The following C12orf56 variants were observed in gnomAD, a reference collection of about 807,000 sequenced individuals.
C12orf56 encodes the protein chromosome 12 open reading frame 56, also known as uncharacterized protein C12orf56.
C12orf56 carries 71 observed loss-of-function variants against 69.9 expected under a neutral mutation model. The observed-to-expected ratio is 1.02, with a 90% CI of 0.84 to 1.24. The LOEUF is 1.24. Among genes scored for constraint, C12orf56 ranks in the 50% most tolerant of loss-of-function variants. The pLI is 0.00. For missense variants in C12orf56, 732 were observed against 738.5 expected (o/e 0.99, Z 0.10); for synonymous variants, 276 against 274.1 (o/e 1.01, Z -0.07).
intron 9 of C12orf56, among the ~76,000 whole-genome samples, chr12:64,276,960 C>T (rs1029849891): frequency 4.0e-5 from 5 of 125,406 alleles, no homozygotes; most frequent in African/African-American, 1.5e-4. Flanking sequence ...TGCCACTGCA[C>T]TCCAGCCTGG....
intron 1 of C12orf56, among the ~76,000 whole-genome samples, chr12:64,368,631 A>G (rs1206155750): frequency 6.6e-6 from 1 of 152,182 alleles, no homozygotes; most frequent in African/African-American, 2.4e-5. Flanking sequence ...TACCAGAAAT[A>G]CATTATTCTA....
rs890309389 is a variant in C12orf56, at chr12:64,338,574, T to C, written c.416-7542A>G. The C allele has an allele frequency of 4.6e-6, 7 of 1,535,348 alleles. No homozygotes were observed. In the African/African-American group the frequency reaches 6.8e-5, roughly 15 times the overall value. Reference sequence around the variant, plus strand: ...TTGAGTCTTGCTTGATTCATCAAATTGGACATCTGAATTTTCTTCTGCTGC... The same window carrying C: ...TTGAGTCTTGCTTGATTCATCAAATCGGACATCTGAATTTTCTTCTGCTGC... On this transcript the variant is annotated intron_variant, in intron 2 of 12. Coordinates refer to ENST00000543942, the MANE Select transcript of C12orf56 (RefSeq NM_001170633.2).
intron 2 of C12orf56, among the ~76,000 whole-genome samples, chr12:64,340,056 CA>C (rs999544724): frequency 6.6e-6 from 1 of 151,848 alleles, no homozygotes; most frequent in Non-Finnish European, 1.5e-5. Context: ...CTCACATGAT[CA>C]CAAGGTCCCA....
chr12:64,362,433 T>C (rs1383331592), intron 1 of C12orf56, among the ~76,000 whole-genome samples: 7 of 152,114 alleles, frequency 4.6e-5, no homozygotes, highest in African/African-American at 1.7e-4. Flanking sequence ...GGCTCACACC[T>C]GTAATCCTAG....
At chr12:64,337,798 A>C (rs2039015422) in intron 2 of C12orf56, among the ~76,000 whole-genome samples, 1 of 149,714 alleles carries the variant, frequency 6.7e-6, no homozygotes, top group African/African-American at 2.5e-5. Context: ...TGGAGGTTGC[A>C]GTGAGCTGAG....
intron 9 of C12orf56, among the ~76,000 whole-genome samples, chr12:64,276,540 T>C (rs2038053237): frequency 6.6e-6 from 1 of 152,170 alleles, no homozygotes; most frequent in African/African-American, 2.4e-5. Context: ...AGACTCTCTA[T>C]ATACAGTCTG....
At position 64,265,912 on chromosome 12, in the gene C12orf56, C is replaced by T. The variant is rs909726478; in HGVS notation, c.*1271G>A. The T allele has an allele frequency of 7.2e-5, 11 of 152,158 alleles. No individual in the cohort carries two copies. Among genetic ancestry groups the T allele is most frequent in the African/African-American group, 2.7e-4 (11 of 41,442 alleles). The allele number at this position is 152,158 out of a possible 1,614,324, so 9.4% of individuals were successfully genotyped here. ...TGGTTGTGGGAGAGCCATAACTGCT[C>T]GTAGACAATTTATCTTTCATAGAGA... On this transcript the variant is annotated 3_prime_UTR_variant, in exon 13 of 13. Transcript: ENST00000543942.
intron 5 of C12orf56, among the ~76,000 whole-genome samples, chr12:64,305,628 C>T (rs911537538): frequency 6.6e-6 from 1 of 152,100 alleles, no homozygotes; most frequent in African/African-American, 2.4e-5. Context: ...GGTAATCCAC[C>T]CACCTCTGCC....
chr12:64,356,237 G>T (rs1185465916), intron 1 of C12orf56, among the ~76,000 whole-genome samples: 1 of 150,972 alleles, frequency 6.6e-6, no homozygotes, highest in African/African-American at 2.5e-5. Context: ...TTACAGAGAG[G>T]TTATATATTT....
At position 64,287,760 on chromosome 12, in the gene C12orf56, T is replaced by C. The variant is rs111456428; in HGVS notation, c.1114-1700A>G. ...ATCCAGTCTGTCATTGTTGGACATT[T>C]GGGTTGGTTCCAAGTCTTTGCTATT... On this transcript the variant is annotated intron_variant, in intron 6 of 12. Transcript: ENST00000543942. Among the ~76,000 whole-genome samples, 83 of 13,380 alleles carry C rather than the reference T, an allele frequency of 6.2e-3. 40 individuals are homozygous for C. The highest frequency in any genetic ancestry group is 0.33 in the Middle Eastern group (2 of 6). 8.8% of individuals were successfully genotyped at this position (13,380 alleles called of 152,430 possible). A position where few individuals can be genotyped will look rare whatever the true frequency, so the allele number is the denominator to read the frequency against.
intron 1 of C12orf56, among the ~76,000 whole-genome samples, chr12:64,388,628 G>A (rs942225597): frequency 1.3e-5 from 2 of 152,184 alleles, no homozygotes; most frequent in African/African-American, 4.8e-5. Context: ...CTTGTCTGTA[G>A]TGGATCACTT....
intron 1 of C12orf56, among the ~76,000 whole-genome samples, chr12:64,379,174 G>C (rs966369347): frequency 1.3e-5 from 2 of 152,184 alleles, no homozygotes; most frequent in African/African-American, 4.8e-5. Flanking sequence ...CTATTTGTTA[G>C]TGCAGCTTAA....
In C12orf56 at chr12:64,386,467, G is replaced by A. The variant is rs1241871359; in HGVS notation, c.252+3847C>T. ...GCTGGAGTGCAATGGCGCAATCTTGGCTCACCGCAACCTCCGCCTCCCGGG... is the reference window on the plus strand; with the variant it reads ...GCTGGAGTGCAATGGCGCAATCTTGACTCACCGCAACCTCCGCCTCCCGGG... On this transcript the variant is annotated intron_variant, in intron 1 of 12. Coordinates refer to ENST00000543942, the MANE Select transcript of C12orf56 (RefSeq NM_001170633.2). Among the ~76,000 whole-genome samples, 7 of 151,000 alleles carry A rather than the reference G, an allele frequency of 4.6e-5. No homozygotes were observed. The Admixed American group carries it at 4.6e-4, about 10-fold the overall frequency.
At chr12:64,325,297 G>A (rs1373809810) in intron 3 of C12orf56, among the ~76,000 whole-genome samples, 2 of 151,536 alleles carry the variant, frequency 1.3e-5, no homozygotes, top group Non-Finnish European at 2.9e-5. Context: ...CTAGGAGGTC[G>A]AGGCTTTAGT....
At position 64,390,365 on chromosome 12, in the gene C12orf56, G is replaced by C. The variant is rs1242812750; in HGVS notation, c.201C>G (p.Pro67=). ...DRLVYLTENP[P]KSIRRVVALR... is the part of the protein sequence containing the mutation. ...GAGCCACTACCCGCCGGATGGACTT[G>C]GGCGGGTTCTCGGTTAGGTAGACGA... is the stretch of plus-strand genomic sequence containing the variant. Residue 67 remains proline, a synonymous_variant, in exon 1 of 13, where the codon CCC becomes CCG. Transcript: ENST00000543942. The C allele has an allele frequency of 6.2e-7, 1 of 1,612,812 alleles. No homozygotes were observed. The highest frequency in any genetic ancestry group is 1.3e-5 in the African/African-American group (1 of 74,906).
intron 11 of C12orf56, among the ~76,000 whole-genome samples, chr12:64,273,985 C>T (rs899471413): frequency 6.6e-6 from 1 of 152,166 alleles, no homozygotes; most frequent in Non-Finnish European, 1.5e-5. Context: ...AATAATAACA[C>T]AAACAAATGC....
At chr12:64,281,045 G>A (rs950129176) in intron 8 of C12orf56, among the ~76,000 whole-genome samples, 70 of 152,232 alleles carry the variant, frequency 4.6e-4, no homozygotes, top group South Asian at 2.3e-3. Flanking sequence ...GGCCGACGGG[G>A]GGTGGATCAC....
intron 1 of C12orf56, among the ~76,000 whole-genome samples, chr12:64,370,114 G>C (rs1418510018): frequency 2.0e-5 from 3 of 151,362 alleles, no homozygotes; most frequent in Non-Finnish European, 4.4e-5. Flanking sequence ...GGAGGCAGAG[G>C]CAAGTGGATC....
chr12:64,351,573 G>A (rs889652274), intron 2 of C12orf56, among the ~76,000 whole-genome samples: 2 of 152,142 alleles, frequency 1.3e-5, no homozygotes, highest in African/African-American at 4.8e-5. Context: ...GGGATATAGG[G>A]TGTACATGAG....
Sources: gnomAD v4.1 joint callset for allele counts (sites outside exome capture counted in the v4.1 genomes callset) on GRCh38, gnomAD v4.1.1 for gene constraint, MANE v1.5 for transcripts, NCBI Gene and HGNC (gene_info 2026-07-23, HGNC 2026-07-21) for gene names.